The following TBX15 variants were observed in gnomAD, a reference collection of about 807,000 sequenced individuals.
The protein encoded by TBX15 is T-box transcription factor 15, also known as T-box transcription factor TBX15.
TBX15 carries 18 observed loss-of-function variants against 53.9 expected under a neutral mutation model. That is an observed-to-expected ratio of 0.33 (90% confidence interval 0.23 to 0.49). The LOEUF (loss-of-function observed/expected upper bound fraction) is 0.49. TBX15 is among the 20% of genes least tolerant of loss of function. The pLI, the probability that TBX15 is intolerant of heterozygous loss-of-function variation, is 0.98. For synonymous variants in TBX15, 295 were observed against 278.0 expected, an observed-to-expected ratio of 1.06 and a Z score of -0.61; for missense variants, 692 against 749.5, an observed-to-expected ratio of 0.92 and a Z score of 0.90.
rs1390908893 is a variant in TBX15, at chr1:118,885,436, A to G, written c.1105T>C (p.Ser369Pro). ...PSASSHLLSP[S>P]CSPPTFHLAP... ...AGATGAAAAGTTGGAGGAGAACAGGATGGAGATAAAAGATGAGAAGAAGCC... is the reference window on the plus strand; with the variant it reads ...AGATGAAAAGTTGGAGGAGAACAGGGTGGAGATAAAAGATGAGAAGAAGCC... Residue 369 changes from serine to proline, a missense_variant, in exon 8 of 8, where the codon TCC (serine) becomes CCC (proline). Physicochemically the swap from Ser to Pro is moderately conservative, Grantham distance 74 (BLOSUM62 -1). Around this residue, in one of 3 missense-constraint regions of TBX15, gnomAD observed 375 missense variants for 371.6 expected, o/e 1.01. Coordinates refer to ENST00000369429, the MANE Select transcript of TBX15 (RefSeq NM_001330677.2). 1 of 1,612,662 alleles carries G rather than the reference A, an allele frequency of 6.2e-7. No homozygotes were observed. The highest frequency in any genetic ancestry group is 1.1e-5 in the South Asian group (1 of 90,734).
chr1:118,910,362 A>C (rs1289953978), intron 6 of TBX15, among the ~76,000 whole-genome samples: 1 of 152,122 alleles, frequency 6.6e-6, no homozygotes. Flanking sequence ...ATGAGTAGTC[A>C]CTTGATGTCT....
intron 1 of TBX15, among the ~76,000 whole-genome samples, chr1:118,978,261 G>T (rs543335705): frequency 1.4e-4 from 21 of 152,064 alleles, no homozygotes; most frequent in African/African-American, 5.1e-4. Flanking sequence ...TTATTTTTTG[G>T]TCTTGTGTTG....
At chr1:118,926,929 T>A (rs925300267) in intron 2 of TBX15, among the ~76,000 whole-genome samples, 1 of 151,922 alleles carries the variant, frequency 6.6e-6, no homozygotes, top group African/African-American at 2.4e-5. Context: ...TTTCACCATA[T>A]TAGCCAGGCT....
chr1:118,926,396 A>T (rs1193061575), intron 3 of TBX15, 114 bp downstream of exon 3: 2 of 963,358 alleles, frequency 2.1e-6, no homozygotes, highest in Non-Finnish European at 1.6e-6. Flanking sequence ...CATAGTCTCC[A>T]TTCCTTGTTC....
chr1:118,899,057 T>C lies in TBX15; in HGVS notation c.995A>G (p.Glu332Gly). 1 of 1,613,650 alleles carries C rather than the reference T, an allele frequency of 6.2e-7. No individual in the cohort carries two copies. The highest frequency in any genetic ancestry group is 8.5e-7 in the Non-Finnish European group (1 of 1,179,710). The change falls in exon 7 of 8, where the codon GAA becomes GGA. Residue 332 changes from glutamate to glycine, a missense_variant. Transcript: ENST00000369429. ...CTGCTTCTGCATGGTGGTGAAGTCT[T>C]CGAAGGTGAGTGTGCGCACAGGAGG... Reference protein sequence around the residue: ...WRPPVRTLTFEDFTTMQKQQG... With the variant: ...WRPPVRTLTFGDFTTMQKQQG...
At chr1:118,913,501 A>ATT (rs1655091629) in intron 6 of TBX15, among the ~76,000 whole-genome samples, 1 of 152,222 alleles carries the variant, frequency 6.6e-6, no homozygotes, top group South Asian at 2.1e-4. Flanking sequence ...CTCTAAGGAC[A>ATT]TTTATAGCAG....
intron 6 of TBX15, among the ~76,000 whole-genome samples, chr1:118,905,953 A>G (rs943089858): frequency 6.6e-6 from 1 of 152,190 alleles, no homozygotes; most frequent in African/African-American, 2.4e-5. Context: ...AGCAGAAGAG[A>G]GTGAAACCAT....
chr1:118,937,783 T>C (rs913646751), intron 1 of TBX15, among the ~76,000 whole-genome samples: 3 of 152,206 alleles, frequency 2.0e-5, no homozygotes, highest in Non-Finnish European at 2.9e-5. Context: ...CACAACCACA[T>C]TGAATGGTGT....
In TBX15 at chr1:118,981,579, G is replaced by A. The variant is rs568045811; in HGVS notation, c.205+6012C>T. On this transcript the variant is annotated intron_variant, in intron 1 of 7. Coordinates refer to ENST00000369429, the MANE Select transcript of TBX15 (RefSeq NM_001330677.2). The stretch of plus-strand genomic sequence containing the variant: ...CCTGTTTTCACTTCTGGTATCAAAA[G>A]CTCATCATCAGTTTTGCAGTCAGCA... Among the ~76,000 whole-genome samples, 42 of 152,308 alleles carry A rather than the reference G, an allele frequency of 2.8e-4. 1 individual carries two copies. The South Asian group carries it at 6.0e-3, about 22-fold the overall frequency.
intron 6 of TBX15, among the ~76,000 whole-genome samples, chr1:118,902,099 T>C (rs1557876641): frequency 2.0e-5 from 3 of 152,038 alleles, no homozygotes; most frequent in Non-Finnish European, 2.9e-5. Context: ...ATAATAGAAA[T>C]GATCCTATAA....
chr1:118,886,197 T>C (rs985934351), intron 7 of TBX15, among the ~76,000 whole-genome samples: 2 of 152,126 alleles, frequency 1.3e-5, no homozygotes, highest in Non-Finnish European at 2.9e-5. Flanking sequence ...CAAAACAAAA[T>C]CATTATGAAC....
At chr1:118,948,491 C>T (rs1464872514) in intron 1 of TBX15, among the ~76,000 whole-genome samples, 1 of 152,186 alleles carries the variant, frequency 6.6e-6, no homozygotes, top group East Asian at 1.9e-4. Flanking sequence ...AAAAGCTAGT[C>T]CCAAAGAAAC....
At chr1:118,979,971 C>G (rs1485535977) in intron 1 of TBX15, among the ~76,000 whole-genome samples, 1 of 152,178 alleles carries the variant, frequency 6.6e-6, no homozygotes, top group African/African-American at 2.4e-5. Flanking sequence ...CCTCCAAGGC[C>G]GGGCCGAGGG....
chr1:118,967,681 T>C (rs1380169113), intron 1 of TBX15, among the ~76,000 whole-genome samples: 1 of 152,254 alleles, frequency 6.6e-6, no homozygotes, highest in Non-Finnish European at 1.5e-5. Context: ...TTTATTCGAT[T>C]TGGTGTTTCA....
chr1:118,905,395 C>T (rs563213739), intron 6 of TBX15, among the ~76,000 whole-genome samples: 1 of 152,234 alleles, frequency 6.6e-6, no homozygotes, highest in African/African-American at 2.4e-5. Context: ...CAAGGCCACA[C>T]AGCCAAGAGG....
chr1:118,982,220 AAAAAC>A (rs1657675275), intron 1 of TBX15, among the ~76,000 whole-genome samples: 1 of 152,218 alleles, frequency 6.6e-6, no homozygotes, highest in South Asian at 2.1e-4. Context: ...TTAAAAAACA[AAAAAC>A]AAAGAAAAAA....
intron 7 of TBX15, among the ~76,000 whole-genome samples, chr1:118,897,226 C>A (rs1654460662): frequency 6.6e-6 from 1 of 152,172 alleles, no homozygotes; most frequent in African/African-American, 2.4e-5. Context: ...TCAATGTCTA[C>A]ATACATATTA....
At chr1:118,917,696 C>T (rs1048540611) in intron 5 of TBX15, among the ~76,000 whole-genome samples, 22 of 152,296 alleles carry the variant, frequency 1.4e-4, no homozygotes, top group African/African-American at 4.8e-4. Context: ...CTGAACTATT[C>T]TATGTAGCCT....
intron 7 of TBX15, among the ~76,000 whole-genome samples, chr1:118,894,619 G>T (rs1654357042): frequency 6.6e-6 from 1 of 151,368 alleles, no homozygotes; most frequent in South Asian, 2.2e-4. Context: ...AACAAGGAAG[G>T]TTAGAGATGT....
Sources: allele counts gnomAD v4.1 joint callset (sites outside exome capture counted in the v4.1 genomes callset), GRCh38; gene constraint gnomAD v4.1.1; regional missense constraint gnomAD v4.1.1; transcripts MANE v1.5; gene names NCBI Gene and HGNC (gene_info 2026-07-23, HGNC 2026-07-21).